Variants in QTGAL observed in about 807,000 individuals in gnomAD.
The protein encoded by QTGAL is BGnT-like protein 1.
At chr17:83,035,159 C>A in the QTGAL span, 2 of 1,380,752 alleles carry the variant, frequency 1.4e-6, no homozygotes, top group Non-Finnish European at 2.0e-6. Flanking sequence ...CATTCTCTTT[C>A]ATAGAGCTTA....
chr17:82,978,629 G>T, the QTGAL span: 126,077 of 152,102 alleles, frequency 0.83, 52,785 homozygotes, highest in African/African-American at 0.95. This position sits in a 1 kb window ranked among gnomAD's most constrained non-coding sequence, Gnocchi z 4.8. Flanking sequence ...TCACTCGTAC[G>T]TTTTGGTTCT....
At chr17:82,972,418 G>A in the QTGAL span, among the ~76,000 whole-genome samples, 1 of 119,792 alleles carries the variant, frequency 8.3e-6, no homozygotes, top group Non-Finnish European at 1.6e-5. Flanking sequence ...ACCTGGTGCC[G>A]ACCACAGCAC....
chr17:82,954,512 T>A, the QTGAL span, among the ~76,000 whole-genome samples: 1 of 151,752 alleles, frequency 6.6e-6, no homozygotes, highest in Non-Finnish European at 1.5e-5. Flanking sequence ...AAAAAAAAAA[T>A]TCCATGCCCG....
chr17:83,035,710 G>A, the QTGAL span, among the ~76,000 whole-genome samples: 1 of 152,098 alleles, frequency 6.6e-6, no homozygotes, highest in East Asian at 1.9e-4. Context: ...CTAAGTCCTG[G>A]GAATATTTTT....
chr17:83,026,410 G>A, the QTGAL span, among the ~76,000 whole-genome samples: 10 of 152,262 alleles, frequency 6.6e-5, no homozygotes, highest in African/African-American at 1.9e-4. Flanking sequence ...GGATGTACAC[G>A]GCAGGTTTGC....
At chr17:83,002,276 G>A in the QTGAL span, among the ~76,000 whole-genome samples, 31 of 152,168 alleles carry the variant, frequency 2.0e-4, no homozygotes, top group African/African-American at 6.8e-4. Context: ...ACCCGCTCTC[G>A]GTGACAGCGC....
the QTGAL span, among the ~76,000 whole-genome samples, chr17:83,041,355 C>T: frequency 6.6e-6 from 1 of 152,092 alleles, no homozygotes; most frequent in Non-Finnish European, 1.5e-5. Context: ...GAAAAATTCT[C>T]ATATTATTGA....
the QTGAL span, chr17:82,957,238 G>C: frequency 4.3e-6 from 7 of 1,614,066 alleles, no homozygotes; most frequent in Admixed American, 6.7e-5. Context: ...CCACGTCACA[G>C]AATGCCACCA....
At chr17:83,040,708 A>G in the QTGAL span, among the ~76,000 whole-genome samples, 18 of 152,360 alleles carry the variant, frequency 1.2e-4, no homozygotes, top group East Asian at 3.5e-3. Flanking sequence ...TACCCAGCCA[A>G]TCTGTCAACT....
chr17:82,947,289 T>C, the QTGAL span: 2 of 401,682 alleles, frequency 5.0e-6, no homozygotes, highest in African/African-American at 2.0e-5. Context: ...TAACAGGCAA[T>C]GCCTCTGCTG....
the QTGAL span, chr17:83,005,019 C>T: frequency 2.8e-5 from 29 of 1,027,986 alleles, no homozygotes; most frequent in South Asian, 5.1e-5. The surrounding 1 kb of genome is among the most constrained non-coding windows in gnomAD (Gnocchi z 5.6). Context: ...CCACGGCCCA[C>T]GACGACGCAG....
chr17:82,946,776 C>A, the QTGAL span: 1 of 946,846 alleles, frequency 1.1e-6, no homozygotes, highest in Non-Finnish European at 1.6e-6. Context: ...TGAACATAAG[C>A]AGAGGACTAA....
At chr17:82,970,545 CACCCGGCGTGGCCGCGACCTCCG>C in the QTGAL span, among the ~76,000 whole-genome samples, 207 of 137,986 alleles carry the variant, frequency 1.5e-3, 7 homozygotes, top group South Asian at 2.5e-3. Flanking sequence ...GCGACCTCCG[CACCCGGCGTGGCCGCGACCTCCG>C]CACCCGGCGT....
chr17:83,048,573 G>T, the QTGAL span: 1 of 1,613,052 alleles, frequency 6.2e-7, no homozygotes, highest in Non-Finnish European at 8.5e-7. Context: ...GACTTGTCCT[G>T]AAAGCAGAAC....
chr17:82,997,426 A>G, the QTGAL span, among the ~76,000 whole-genome samples: 2 of 152,214 alleles, frequency 1.3e-5, no homozygotes, highest in African/African-American at 4.8e-5. Flanking sequence ...ACCCCTGTAC[A>G]ATGTCGGTGG....
chr17:83,033,790 A>G, the QTGAL span, among the ~76,000 whole-genome samples: 199 of 151,308 alleles, frequency 1.3e-3, 2 homozygotes, highest in African/African-American at 4.4e-3. Context: ...TACATTTTTA[A>G]AAGTGTTATT....
chr17:83,013,984 C>T, the QTGAL span, among the ~76,000 whole-genome samples: 5 of 152,044 alleles, frequency 3.3e-5, no homozygotes, highest in African/African-American at 1.2e-4. Context: ...CCACGGGGCA[C>T]TGCTGTGCTT....
At chr17:82,956,558 G>A in the QTGAL span, 1 of 1,007,694 alleles carries the variant, frequency 9.9e-7, no homozygotes, top group Non-Finnish European at 1.4e-6. This position sits in a 1 kb window ranked among gnomAD's most constrained non-coding sequence, Gnocchi z 5.7. Context: ...GTGGACGGCT[G>A]TGGCACCTGT....
At chr17:82,961,226 G>A in the QTGAL span, 23 of 1,583,960 alleles carry the variant, frequency 1.5e-5, no homozygotes, top group South Asian at 1.5e-4. Context: ...CCCCAGAAAC[G>A]CGTGCCTGCC....
Sources: gnomAD v4.1 joint callset for allele counts (sites outside exome capture counted in the v4.1 genomes callset) on GRCh38, gnomAD v4.1.1 for gene constraint, Gnocchi (gnomAD v3.1) non-coding constraint, MANE v1.5 for transcripts, NCBI Gene and HGNC (gene_info 2026-07-23, HGNC 2026-07-21) for gene names.